Variants in DNAJB6 observed in about 807,000 individuals in gnomAD.
DNAJB6 encodes DnaJ heat shock protein family (Hsp40) member B6, also known as dnaJ homolog subfamily B member 6.
In DNAJB6, 16 loss-of-function variants were observed where a neutral mutation model predicts 42.7. The ratio of observed to expected loss-of-function variants is 0.37; its 90% CI spans 0.25 to 0.57. The LOEUF (loss-of-function observed/expected upper bound fraction) is 0.57, where lower values mean the gene tolerates loss of function less well. Among genes scored for constraint, DNAJB6 ranks in the 20% least tolerant of loss-of-function variants. DNAJB6 has a pLI of 0.74. For missense variants in DNAJB6, 347 were observed against 416.8 expected, an observed-to-expected ratio of 0.83 and a Z score of 1.46; for synonymous variants, 170 against 163.5, an observed-to-expected ratio of 1.04 and a Z score of -0.30.
At chr7:157,356,696 A>G (rs1257358019) in intron 1 of DNAJB6, among the ~76,000 whole-genome samples, 1 of 152,262 alleles carries the variant, frequency 6.6e-6, no homozygotes, top group African/African-American at 2.4e-5. Context: ...CAAAGCTGAT[A>G]ACGTTAAATT....
At chr7:157,353,787 T>G (rs1002762513) in intron 1 of DNAJB6, among the ~76,000 whole-genome samples, 42 of 152,080 alleles carry the variant, frequency 2.8e-4, no homozygotes, top group African/African-American at 9.9e-4. Context: ...CTCAGCCTCC[T>G]GAGTAGCTGG....
chr7:157,387,602 C>T (rs1801134416), intron 8 of DNAJB6, among the ~76,000 whole-genome samples: 1 of 152,160 alleles, frequency 6.6e-6, no homozygotes, highest in Non-Finnish European at 1.5e-5. Flanking sequence ...AAAGTCTTTA[C>T]CTGTAATTCT....
At chr7:157,409,754 G>A (rs1795903153) in intron 8 of DNAJB6, 41 bp from the exon 9 acceptor site, 20 of 1,486,316 alleles carry the variant, frequency 1.3e-5, no homozygotes, top group Non-Finnish European at 1.8e-5. Flanking sequence ...GCCGGCCGCC[G>A]CCGCTCACTC....
At chr7:157,383,050 A>G (rs1359390139) in intron 6 of DNAJB6, among the ~76,000 whole-genome samples, 1 of 151,532 alleles carries the variant, frequency 6.6e-6, no homozygotes, top group East Asian at 1.9e-4. Flanking sequence ...AGTGAGTGCC[A>G]CTCTTAGTGT....
At chr7:157,372,534 A>G (rs1452925630) in intron 5 of DNAJB6, among the ~76,000 whole-genome samples, 1 of 152,220 alleles carries the variant, frequency 6.6e-6, no homozygotes, top group Non-Finnish European at 1.5e-5. Context: ...CAGTGTATCT[A>G]GAATAAAATG....
At chr7:157,372,667 C>G (rs1800274423) in intron 5 of DNAJB6, among the ~76,000 whole-genome samples, 1 of 152,196 alleles carries the variant, frequency 6.6e-6, no homozygotes, top group Non-Finnish European at 1.5e-5. Context: ...CTCGTAGGCT[C>G]TTTCCCTAGA....
At chr7:157,382,429 A>G in intron 6 of DNAJB6, 52 bp downstream of exon 6, 2 of 1,536,986 alleles carry the variant, frequency 1.3e-6, no homozygotes, top group African/African-American at 2.8e-5. Flanking sequence ...GTTAGTACTT[A>G]TAAAATCATA....
In DNAJB6 at chr7:157,363,142, A is replaced by G; in HGVS notation, c.66-19A>G. On this transcript the variant is annotated intron_variant, in intron 2 of 9. Transcript: ENST00000262177. ...TTTCTGGATTTAGAATGTGATCTATATCCTTTATTCTTTCCAAGATATCGG... is the reference window on the plus strand; with the variant it reads ...TTTCTGGATTTAGAATGTGATCTATGTCCTTTATTCTTTCCAAGATATCGG... The G allele has an allele frequency of 6.6e-7, 1 of 1,523,252 alleles. No homozygotes were observed. The highest frequency in any genetic ancestry group is 9.0e-7 in the Non-Finnish European group (1 of 1,107,324). 94.4% of individuals were successfully genotyped at this position (1,523,252 alleles called of 1,614,324 possible). A position where few individuals can be genotyped will look rare whatever the true frequency, so the allele number is the denominator to read the frequency against.
At chr7:157,379,120 C>G (rs1800622203) in intron 5 of DNAJB6, 1 of 152,108 alleles carries the variant, frequency 6.6e-6, no homozygotes, top group African/African-American at 2.4e-5. Context: ...TTGGCCTTCT[C>G]ATAACATAGT....
At chr7:157,367,857 T>C (rs1799918707) in intron 5 of DNAJB6, among the ~76,000 whole-genome samples, 1 of 150,744 alleles carries the variant, frequency 6.6e-6, no homozygotes, top group Non-Finnish European at 1.5e-5. Flanking sequence ...GAAACTCCTG[T>C]CTCAAAAAAA....
At chr7:157,409,194 A>G (rs1795879130) in intron 8 of DNAJB6, among the ~76,000 whole-genome samples, 1 of 152,166 alleles carries the variant, frequency 6.6e-6, no homozygotes, top group Admixed American at 6.5e-5. Context: ...AAGATTAATA[A>G]AAGCACAACT....
At chr7:157,342,976 C>T in intron 1 of DNAJB6, among the ~76,000 whole-genome samples, 2 of 148,986 alleles carry the variant, frequency 1.3e-5, no homozygotes, top group Non-Finnish European at 1.5e-5. Flanking sequence ...CCTGTCTGTA[C>T]TTTTTTTGTT....
At chr7:157,353,822 A>G (rs1023759360) in intron 1 of DNAJB6, among the ~76,000 whole-genome samples, 1 of 147,748 alleles carries the variant, frequency 6.8e-6, no homozygotes, top group East Asian at 1.9e-4. Context: ...GCCACCATGC[A>G]CAGCTACTTA....
At chr7:157,355,875 TTGG>T (rs1267637649) in intron 1 of DNAJB6, among the ~76,000 whole-genome samples, 3 of 152,184 alleles carry the variant, frequency 2.0e-5, no homozygotes, top group African/African-American at 7.2e-5. Flanking sequence ...GAGAGTGTTT[TTGG>T]TGGTGAAGTA....
chr7:157,408,715 C>T (rs1455112649), intron 8 of DNAJB6, among the ~76,000 whole-genome samples: 1 of 152,220 alleles, frequency 6.6e-6, no homozygotes, highest in Non-Finnish European at 1.5e-5. Flanking sequence ...GGTGTATAGG[C>T]CAGTTTAATT....
chr7:157,405,254 T>C (rs1159381802), intron 8 of DNAJB6, among the ~76,000 whole-genome samples: 1 of 152,210 alleles, frequency 6.6e-6, no homozygotes, highest in East Asian at 1.9e-4. Flanking sequence ...TTCGAGAGAA[T>C]GTCCTGGGGG....
intron 8 of DNAJB6, among the ~76,000 whole-genome samples, chr7:157,407,175 G>C (rs1322787010): frequency 1.3e-5 from 2 of 152,000 alleles, no homozygotes; most frequent in South Asian, 2.1e-4. Flanking sequence ...CCCAGAGCCA[G>C]GATGAGCCAG....
intron 8 of DNAJB6, among the ~76,000 whole-genome samples, chr7:157,409,392 C>A (rs1387178387): frequency 2.6e-5 from 4 of 152,142 alleles, no homozygotes; most frequent in Non-Finnish European, 1.5e-5. Context: ...TGTATGGACT[C>A]AGGAGGAAAT....
chr7:157,380,360 G>A (rs1800693768), intron 5 of DNAJB6: 1 of 152,204 alleles, frequency 6.6e-6, no homozygotes, highest in Admixed American at 6.5e-5. Context: ...TTCACAAAAT[G>A]TTCCTAGTTT....
Sources: allele counts gnomAD v4.1 joint callset (sites outside exome capture counted in the v4.1 genomes callset), GRCh38; gene constraint gnomAD v4.1.1; transcripts MANE v1.5; gene names NCBI Gene and HGNC (gene_info 2026-07-23, HGNC 2026-07-21).